The following PLS1 variants were observed in gnomAD, a reference collection of about 807,000 sequenced individuals.
PLS1 encodes the protein plastin 1.
Under a neutral mutation model 73.7 loss-of-function variants are expected in PLS1, and 32 were observed. That is an observed-to-expected ratio of 0.43 (90% CI 0.33 to 0.58). The LOEUF is 0.58. PLS1 is among the 20% of genes least tolerant of loss of function. The pLI is 0.04. For synonymous variants in PLS1, 217 were observed against 261.3 expected, an observed-to-expected ratio of 0.83 and a Z score of 1.63; for missense variants, 633 against 740.5, an observed-to-expected ratio of 0.85 and a Z score of 1.68.
At chr3:142,647,926 A>G (rs1380199758) in intron 1 of PLS1, among the ~76,000 whole-genome samples, 1 of 152,130 alleles carries the variant, frequency 6.6e-6, no homozygotes, top group African/African-American at 2.4e-5. Flanking sequence ...TTGAAAAGGG[A>G]TCCTGAACCA....
In PLS1 at chr3:142,712,268, C is replaced by T. The variant is rs1577923461; in HGVS notation, c.*261C>T. The T allele has an allele frequency of 6.9e-6, 2 of 290,078 alleles. No individual in the cohort carries two copies. Among genetic ancestry groups the T allele is most frequent in the Non-Finnish European group, 1.3e-5 (2 of 156,500 alleles). 18.0% of individuals were successfully genotyped at this position (290,078 alleles called of 1,614,324 possible). A position where few individuals can be genotyped will look rare whatever the true frequency, so the allele number is the denominator to read the frequency against. ...CTTCATGATTAAATTATTTTTGTTGCTTAAAAGTCGTATTAGACAAGACTA... is the reference window on the plus strand; with the variant it reads ...CTTCATGATTAAATTATTTTTGTTGTTTAAAAGTCGTATTAGACAAGACTA... On this transcript the variant is annotated 3_prime_UTR_variant, in exon 16 of 16. Transcript: ENST00000457734.
chr3:142,613,329 A>G lies in PLS1; in HGVS notation c.-37+16820A>G, dbSNP rs181793762. Among the ~76,000 whole-genome samples, 3 of 151,992 alleles carry G rather than the reference A, an allele frequency of 2.0e-5. No individual in the cohort carries two copies. In the East Asian group the frequency reaches 5.9e-4, roughly 30 times the overall value. ...CCTGCCTCTACCAAAAAAATACAAA[A>G]ATTAGCCAGCTGTGGTGGCTCAAGC... is the stretch of plus-strand genomic sequence containing the variant. On this transcript the variant is annotated intron_variant, in intron 1 of 15. Coordinates refer to ENST00000457734, the MANE Select transcript of PLS1 (RefSeq NM_001145319.2).
intron 1 of PLS1, among the ~76,000 whole-genome samples, chr3:142,661,388 T>C (rs1257774714): frequency 1.3e-5 from 2 of 152,182 alleles, no homozygotes; most frequent in Non-Finnish European, 1.5e-5. Flanking sequence ...GACAATAGTA[T>C]ATTTAAAATA....
At chr3:142,653,429 C>T (rs575093160) in intron 1 of PLS1, among the ~76,000 whole-genome samples, 10 of 148,168 alleles carry the variant, frequency 6.7e-5, no homozygotes, top group African/African-American at 1.0e-4. Flanking sequence ...GGTGTGATCT[C>T]GGCTCACTGC....
intron 1 of PLS1, among the ~76,000 whole-genome samples, chr3:142,641,039 G>A (rs1322180419): frequency 6.6e-6 from 1 of 151,498 alleles, no homozygotes; most frequent in Non-Finnish European, 1.5e-5. Flanking sequence ...GTGCATGCCT[G>A]TAGTCCTAGC....
chr3:142,684,054 G>A lies in PLS1; in HGVS notation c.628G>A (p.Val210Met), dbSNP rs748120479. 55 of 1,613,722 alleles carry A rather than the reference G, an allele frequency of 3.4e-5. No homozygotes were observed. Among genetic ancestry groups the A allele is most frequent in the Non-Finnish European group, 4.5e-5 (53 of 1,179,834 alleles). Residue 210 changes from valine to methionine, a missense_variant, in exon 7 of 16, where the codon GTG (valine) becomes ATG (methionine). Coordinates refer to ENST00000457734, the MANE Select transcript of PLS1 (RefSeq NM_001145319.2). ...TTCTGCCTCAGCCATTGGTTGTACA[G>A]TGGTCAACATTGGTGCATCAGATCT... ...LNSASAIGCT[V>M]VNIGASDLKE...
At position 142,684,237 on chromosome 3, in the gene PLS1, GC is replaced by G; in HGVS notation, c.746-15del. The G allele has an allele frequency of 6.2e-7, 1 of 1,613,916 alleles. No homozygotes were observed. The highest frequency in any genetic ancestry group is 2.2e-5 in the East Asian group (1 of 44,880). The stretch of plus-strand genomic sequence containing the variant: ...TTGCTATGGGAAGAATTTACATTTC[GC>G]TGTTTTGCCCTCAGCTCTGATTGCA... On this transcript the variant is annotated splice_polypyrimidine_tract_variant and intron_variant, in intron 7 of 15. Transcript: ENST00000457734.
At chr3:142,703,744 G>T in intron 12 of PLS1, 124 bp from the exon 13 acceptor site, 1 of 606,914 alleles carries the variant, frequency 1.6e-6, no homozygotes, top group Admixed American at 2.9e-5. Flanking sequence ...TTATTATTAT[G>T]AAATTGGTCA....
In PLS1 at chr3:142,711,506, A is replaced by G; in HGVS notation, c.1635A>G (p.Lys545=). The change falls in exon 15 of 16, where the codon AAA becomes AAG. Residue 545 remains lysine, a synonymous_variant. Transcript: ENST00000457734. ...ATCTATGCTTTATTTTCTAGGATAA[A>G]TCTATAAGCACAAGTTTACCTGTCC... ...KKTSISSFKD[K]SISTSLPVLD... is the part of the protein sequence containing the mutation. 6.3e-7 allele frequency: 1 copy of G among 1,580,336 alleles called. No homozygotes were observed. Among genetic ancestry groups the G allele is most frequent in the Non-Finnish European group, 8.7e-7 (1 of 1,152,576 alleles).
At chr3:142,672,090 T>A (rs1028069648) in intron 4 of PLS1, among the ~76,000 whole-genome samples, 12 of 152,162 alleles carry the variant, frequency 7.9e-5, no homozygotes, top group African/African-American at 2.9e-4. Flanking sequence ...TAAGGTATAA[T>A]ACACATTCAG....
At chr3:142,706,813 ACT>A (rs2038471618) in intron 14 of PLS1, among the ~76,000 whole-genome samples, 1 of 152,020 alleles carries the variant, frequency 6.6e-6, no homozygotes, top group South Asian at 2.1e-4. Context: ...AGGAGCCAAA[ACT>A]CTTCATGTTT....
At chr3:142,654,864 T>G (rs1248015376) in intron 1 of PLS1, 1 of 152,182 alleles carries the variant, frequency 6.6e-6, no homozygotes, top group African/African-American at 2.4e-5. Context: ...ACTCTTCATC[T>G]CCTCTTGTCA....
At chr3:142,707,955 G>A (rs1274031546) in intron 14 of PLS1, among the ~76,000 whole-genome samples, 1 of 152,138 alleles carries the variant, frequency 6.6e-6, no homozygotes, top group Non-Finnish European at 1.5e-5. Flanking sequence ...TAGTATCTGT[G>A]TGACCATGGG....
At chr3:142,623,113 TG>T (rs1415409778) in intron 1 of PLS1, among the ~76,000 whole-genome samples, 1 of 152,118 alleles carries the variant, frequency 6.6e-6, no homozygotes, top group Non-Finnish European at 1.5e-5. Context: ...CACATACCAC[TG>T]TGCCCAGCTC....
rs111324318 is a variant in PLS1 at position 142,638,408 on chromosome 3, C to T, written c.-36-25794C>T. ...CAGAAGTGCTGTCATGAAGGGTTGA[C>T]ACCTGTAGTAACTGTGGCCCCCTTA... On this transcript the variant is annotated intron_variant, in intron 1 of 15. Transcript: ENST00000457734. 1.8e-3 allele frequency among the ~76,000 whole-genome samples: 271 copies of T among 152,328 alleles called. 2 individuals are homozygous for T. Among genetic ancestry groups the T allele is most frequent in the African/African-American group, 6.3e-3 (260 of 41,576 alleles).
At chr3:142,618,914 A>G (rs1168630558) in intron 1 of PLS1, among the ~76,000 whole-genome samples, 2 of 152,162 alleles carry the variant, frequency 1.3e-5, no homozygotes, top group Non-Finnish European at 2.9e-5. Flanking sequence ...GTACCATACC[A>G]TATTCACAGG....
At chr3:142,600,959 T>C (rs2035916105) in intron 1 of PLS1, among the ~76,000 whole-genome samples, 2 of 122,814 alleles carry the variant, frequency 1.6e-5, no homozygotes, top group South Asian at 5.9e-4. Context: ...AGTCTCGCTC[T>C]GTGGCCCAGG....
chr3:142,685,519 C>T (rs1036177167), intron 8 of PLS1, among the ~76,000 whole-genome samples: 2 of 152,146 alleles, frequency 1.3e-5, no homozygotes, highest in Non-Finnish European at 2.9e-5. Flanking sequence ...CAGTTGGGCT[C>T]ATCTGGAAAG....
chr3:142,600,170 C>T (rs1036048557), intron 1 of PLS1, among the ~76,000 whole-genome samples: 5 of 152,078 alleles, frequency 3.3e-5, no homozygotes, highest in Admixed American at 6.5e-5. Flanking sequence ...TGTGTGTCAT[C>T]GGAAGAGGTG....
Sources: gnomAD v4.1 joint callset for allele counts (sites outside exome capture counted in the v4.1 genomes callset) on GRCh38, gnomAD v4.1.1 for gene constraint, MANE v1.5 for transcripts, NCBI Gene and HGNC (gene_info 2026-07-23, HGNC 2026-07-21) for gene names.